FANCI: variants seen among roughly 807,000 people sequenced by gnomAD.
FANCI encodes Fanconi anemia group I protein.
In FANCI, 156 loss-of-function variants were observed where a neutral mutation model predicts 176.1. That is an observed-to-expected ratio of 0.89 (90% CI 0.78 to 1.01). The LOEUF (loss-of-function observed/expected upper bound fraction) is 1.01, where lower values mean the gene tolerates loss of function less well. Among genes scored for constraint, FANCI ranks in the 50% least tolerant of loss-of-function variants. The pLI is 0.00. For missense variants in FANCI, 1,678 were observed against 1,534.1 expected (o/e 1.09, Z -1.57); for synonymous variants, 613 against 541.7 (o/e 1.13, Z -1.83).
intron 34 of FANCI, chr15:89,307,883 A>C (rs2054788662): frequency 5.6e-6 from 8 of 1,439,850 alleles, no homozygotes; most frequent in Non-Finnish European, 7.3e-6. Context: ...TAATTTGGAG[A>C]AAGGAAGCAT....
intron 34 of FANCI, among the ~76,000 whole-genome samples, chr15:89,311,708 G>A (rs999296729): frequency 2.6e-5 from 4 of 152,298 alleles, no homozygotes; most frequent in African/African-American, 9.6e-5. Context: ...TTATTTTCCA[G>A]AACGTGGCAT....
chr15:89,261,453 C>G, intron 4 of FANCI, 132 bp from the exon 5 acceptor site: 1 of 1,139,830 alleles, frequency 8.8e-7, no homozygotes, highest in East Asian at 2.4e-5. Context: ...AGAATGATTC[C>G]ATAAATCCCT....
intron 2 of FANCI, among the ~76,000 whole-genome samples, chr15:89,252,669 G>A (rs2052311158): frequency 6.6e-6 from 1 of 152,184 alleles, no homozygotes; most frequent in Non-Finnish European, 1.5e-5. Context: ...GAACCCGGGA[G>A]GTGGAAGTTG....
chr15:89,270,378 T>C (rs931997029), intron 10 of FANCI, among the ~76,000 whole-genome samples: 1 of 152,240 alleles, frequency 6.6e-6, no homozygotes, highest in African/African-American at 2.4e-5. Flanking sequence ...AAGAAATCTA[T>C]AGGATCATAG....
rs559667243 is a variant in FANCI, at chr15:89,256,153, G to A, written c.85-2551G>A. On this transcript the variant is annotated intron_variant, in intron 2 of 37. Coordinates refer to ENST00000310775, the MANE Select transcript of FANCI (RefSeq NM_001113378.2). ...TCAACAGCTTCTCAGCCTTGGCAGT[G>A]CTCACGTTTTGGCTCGGATAAATCT... Among the ~76,000 whole-genome samples, 3 of 152,326 alleles carry A rather than the reference G, an allele frequency of 2.0e-5. No individual in the cohort carries two copies. The East Asian group carries it at 5.8e-4, about 29-fold the overall frequency.
chr15:89,315,443 C>CCTAT lies in FANCI; in HGVS notation c.3924+57_3924+60dup, dbSNP rs560346848. 3.3e-4 allele frequency: 419 copies of CCTAT among 1,260,850 alleles called. No individual in the cohort carries two copies. The African/African-American group carries it at 5.3e-3, about 16-fold the overall frequency. 78.1% of individuals were successfully genotyped at this position (1,260,850 alleles called of 1,614,324 possible). ...GCCACTCTTCCTAGCTGGTTAGCAG[C>CCTAT]CTATCTGGGAGCAGTCACAGATTAG... is the stretch of plus-strand genomic sequence containing the variant. On this transcript the variant is annotated intron_variant, in intron 37 of 37. Coordinates refer to ENST00000310775, the MANE Select transcript of FANCI (RefSeq NM_001113378.2).
chr15:89,308,280 C>A, intron 34 of FANCI: 1 of 587,762 alleles, frequency 1.7e-6, no homozygotes, highest in Non-Finnish European at 2.1e-6. Context: ...CTACCAGATG[C>A]CAGTAGCAGC....
intron 17 of FANCI, among the ~76,000 whole-genome samples, chr15:89,283,751 A>G (rs1567159062): frequency 6.6e-6 from 1 of 150,394 alleles, no homozygotes; most frequent in Non-Finnish European, 1.5e-5. Context: ...TTCATATTAT[A>G]TTTCTTTCTT....
At chr15:89,262,869 C>T (rs758386512) in intron 6 of FANCI, among the ~76,000 whole-genome samples, 1 of 152,128 alleles carries the variant, frequency 6.6e-6, no homozygotes, top group East Asian at 1.9e-4. Context: ...AGTTTTTGTG[C>T]TATTACAAAG....
chr15:89,252,663 C>T (rs972854173), intron 2 of FANCI, among the ~76,000 whole-genome samples: 1 of 152,180 alleles, frequency 6.6e-6, no homozygotes, highest in Non-Finnish European at 1.5e-5. Context: ...TTGCTTGAAC[C>T]CGGGAGGTGG....
Position 89,281,809 on chromosome 15 carries a change from T to A in FANCI, c.1557T>A (p.Leu519=), listed in dbSNP as rs138767485. The A allele has an allele frequency of 5.0e-6, 8 of 1,613,902 alleles. No individual in the cohort carries two copies. The highest frequency in any genetic ancestry group is 6.8e-6 in the Non-Finnish European group (8 of 1,179,900). The change falls in exon 16 of 38, where the codon CTT becomes CTA. Residue 519 remains leucine, a synonymous_variant. Transcript: ENST00000310775. The part of the protein sequence containing the change: ...VSMSMRDCLI[L]VLRKAMFANQ... ...TGTCAATGAGAGACTGCTTGATACT[T>A]GTCCTTCGGAAAGCTATGTTTGCCA...
Position 89,316,636 on chromosome 15 carries a change from A to G in FANCI, c.*177A>G, listed in dbSNP as rs972663785. The stretch of plus-strand genomic sequence containing the variant: ...TCTTGGCAGGTCCTGCTACTGAAAA[A>G]TGGCTGGCCTTAGGCAAGCCCTTTT... On this transcript the variant is annotated 3_prime_UTR_variant, in exon 38 of 38. Coordinates refer to ENST00000310775, the MANE Select transcript of FANCI (RefSeq NM_001113378.2). 1.7e-6 allele frequency: 2 copies of G among 1,155,520 alleles called. No individual in the cohort carries two copies. The highest frequency in any genetic ancestry group is 3.6e-5 in the Admixed American group (2 of 55,688). 71.6% of individuals were successfully genotyped at this position (1,155,520 alleles called of 1,614,324 possible).
At chr15:89,309,540 G>A (rs1251929993) in intron 34 of FANCI, among the ~76,000 whole-genome samples, 1 of 152,014 alleles carries the variant, frequency 6.6e-6, no homozygotes, top group Non-Finnish European at 1.5e-5. Context: ...GACCAGCCTG[G>A]GCAACATAGT....
chr15:89,260,862 A>C lies in FANCI; in HGVS notation c.288+19A>C, dbSNP rs747375759. On this transcript the variant is annotated intron_variant, in intron 4 of 37. Transcript: ENST00000310775. ...GCTGGAGGTAAGATGGCAAACAAAAACTTTTATTTGGGGGTAGGTTTTTGA... is the reference window on the plus strand; with the variant it reads ...GCTGGAGGTAAGATGGCAAACAAAACCTTTTATTTGGGGGTAGGTTTTTGA... The C allele has an allele frequency of 5.0e-6, 8 of 1,612,782 alleles. No homozygotes were observed. The East Asian group carries it at 1.8e-4, about 36-fold the overall frequency.
chr15:89,307,865 G>A, intron 34 of FANCI, 193 bp downstream of exon 34: 1 of 1,457,318 alleles, frequency 6.9e-7, no homozygotes, highest in Non-Finnish European at 9.0e-7. Context: ...AAAGAAAACT[G>A]TTTCACTTAA....
chr15:89,312,727 C>T (rs1335662656), intron 34 of FANCI, among the ~76,000 whole-genome samples, 177 bp from the exon 35 acceptor site: 1 of 150,276 alleles, frequency 6.7e-6, no homozygotes, highest in African/African-American at 2.5e-5. Flanking sequence ...GGCTGAGGCA[C>T]AAGAATCACT....
chr15:89,273,714 T>G (rs2151444667), intron 11 of FANCI, among the ~76,000 whole-genome samples: 1 of 151,456 alleles, frequency 6.6e-6, no homozygotes, highest in Admixed American at 6.6e-5. Flanking sequence ...GGTAGTGAGG[T>G]GGGAATAAGA....
At chr15:89,313,954 TA>T (rs1311141464) in intron 35 of FANCI, among the ~76,000 whole-genome samples, 6 of 141,288 alleles carry the variant, frequency 4.2e-5, no homozygotes, top group South Asian at 2.2e-4. Context: ...CAATTCACGT[TA>T]GGGGGAAAGA....
Position 89,299,784 on chromosome 15 carries a change from C to G in FANCI, c.2637-16C>G. The G allele has an allele frequency of 1.9e-6, 3 of 1,612,088 alleles. No individual in the cohort carries two copies. Among genetic ancestry groups the G allele is most frequent in the Non-Finnish European group, 2.5e-6 (3 of 1,179,188 alleles). ...GAACCTGTCTTTAAAAACAATACCACTTTCTCCTGCTTCAGAGTCTTGCTA... is the reference window on the plus strand; with the variant it reads ...GAACCTGTCTTTAAAAACAATACCAGTTTCTCCTGCTTCAGAGTCTTGCTA... On this transcript the variant is annotated splice_polypyrimidine_tract_variant and intron_variant, in intron 24 of 37. Transcript: ENST00000310775.
Sources: gnomAD v4.1 joint callset for allele counts (sites outside exome capture counted in the v4.1 genomes callset) on GRCh38, gnomAD v4.1.1 for gene constraint, MANE v1.5 for transcripts, NCBI Gene and HGNC (gene_info 2026-07-23, HGNC 2026-07-21) for gene names.